The following SPATA31H1 variants were observed in gnomAD, a reference collection of about 807,000 sequenced individuals.
SPATA31H1 encodes spermatogenesis-associated protein 31H1.
chr2:27,573,539 A>G, the SPATA31H1 span: 1 of 398,550 alleles, frequency 2.5e-6, no homozygotes. Context: ...ATCAGTTGCC[A>G]GGGCTCAAAC....
At chr2:27,577,390 T>C in the SPATA31H1 span, 2 of 1,614,062 alleles carry the variant, frequency 1.2e-6, no homozygotes, top group Non-Finnish European at 1.7e-6. The surrounding 1 kb of genome is among the most constrained non-coding windows in gnomAD (Gnocchi z 4.5). Flanking sequence ...AAGCATTACT[T>C]TACAGAAGCT....
chr2:27,554,063 T>C, the SPATA31H1 span, among the ~76,000 whole-genome samples: 1 of 152,090 alleles, frequency 6.6e-6, no homozygotes, highest in Non-Finnish European at 1.5e-5. Flanking sequence ...TCTCTGTTTC[T>C]AATAATATGT....
chr2:27,565,345 G>T, the SPATA31H1 span: 1 of 717,246 alleles, frequency 1.4e-6, no homozygotes, highest in South Asian at 1.5e-5. Context: ...AGACTTCAAA[G>T]CAGCATAGAT....
chr2:27,561,411 A>C, the SPATA31H1 span, among the ~76,000 whole-genome samples: 1 of 152,200 alleles, frequency 6.6e-6, no homozygotes, highest in South Asian at 2.1e-4. Flanking sequence ...TACACTGTGG[A>C]TTGATTAAAT....
chr2:27,558,982 A>G, the SPATA31H1 span, among the ~76,000 whole-genome samples: 1 of 149,934 alleles, frequency 6.7e-6, no homozygotes, highest in Admixed American at 6.8e-5. Context: ...CATATATTTT[A>G]AAATCCATGT....
At chr2:27,540,612 G>A in the SPATA31H1 span, among the ~76,000 whole-genome samples, 2 of 143,966 alleles carry the variant, frequency 1.4e-5, no homozygotes, top group African/African-American at 5.2e-5. Context: ...GCCGGACGGA[G>A]GGGCTCCTCA....
At chr2:27,548,266 G>A in the SPATA31H1 span, among the ~76,000 whole-genome samples, 3 of 151,762 alleles carry the variant, frequency 2.0e-5, no homozygotes, top group Non-Finnish European at 4.4e-5. Flanking sequence ...ACCGCGCCCG[G>A]ACTTAACAGT....
At chr2:27,571,015 C>T in the SPATA31H1 span, 5 of 398,426 alleles carry the variant, frequency 1.3e-5, no homozygotes, top group Non-Finnish European at 1.8e-5. Flanking sequence ...AACGTAAATC[C>T]TGTGGAGTGG....
chr2:27,579,581 G>A, the SPATA31H1 span: 48 of 1,614,132 alleles, frequency 3.0e-5, no homozygotes, highest in Non-Finnish European at 3.7e-5. Context: ...CAAACTCAAC[G>A]TTCAATGGTA....
the SPATA31H1 span, among the ~76,000 whole-genome samples, chr2:27,546,339 G>C: frequency 2.0e-5 from 3 of 151,546 alleles, no homozygotes; most frequent in East Asian, 5.8e-4. Flanking sequence ...TTCACATTTA[G>C]CTCTATGATC....
the SPATA31H1 span, among the ~76,000 whole-genome samples, chr2:27,548,015 T>A: frequency 7.2e-6 from 1 of 138,902 alleles, no homozygotes; most frequent in African/African-American, 2.7e-5. Context: ...AGAGTCTTGC[T>A]CTGTCACCCA....
At chr2:27,542,950 A>G in the SPATA31H1 span, among the ~76,000 whole-genome samples, 24 of 151,806 alleles carry the variant, frequency 1.6e-4, no homozygotes, top group Admixed American at 3.9e-4. Flanking sequence ...GGTGGCGTGC[A>G]CCTGTAGTCC....
chr2:27,568,158 C>T, the SPATA31H1 span: 1,594 of 398,920 alleles, frequency 4.0e-3, 4 homozygotes, highest in Non-Finnish European at 5.8e-3. Flanking sequence ...CAAATCACAT[C>T]CATGTATAGA....
the SPATA31H1 span, chr2:27,581,759 C>G: frequency 6.2e-7 from 1 of 1,613,328 alleles, no homozygotes. Flanking sequence ...ATCGCAGTCC[C>G]TCAGAGAGAA....
chr2:27,580,270 G>T, the SPATA31H1 span: 1 of 1,614,134 alleles, frequency 6.2e-7, no homozygotes, highest in Non-Finnish European at 8.5e-7. Context: ...GTCTACATCA[G>T]GCGAGGACAA....
chr2:27,581,407 G>T, the SPATA31H1 span: 3 of 1,613,986 alleles, frequency 1.9e-6, no homozygotes, highest in Non-Finnish European at 2.5e-6. Flanking sequence ...CCGTCTCAGA[G>T]AAATCACTGC....
At chr2:27,567,336 C>T in the SPATA31H1 span, 2 of 533,322 alleles carry the variant, frequency 3.8e-6, no homozygotes, top group Non-Finnish European at 6.6e-6. Context: ...AGCACCTTTA[C>T]CTTTGAGGAA....
the SPATA31H1 span, chr2:27,582,482 A>G: frequency 6.2e-7 from 1 of 1,612,966 alleles, no homozygotes; most frequent in South Asian, 1.1e-5. Flanking sequence ...CCACACATAA[A>G]AATCCCAAAG....
At chr2:27,577,054 C>T in the SPATA31H1 span, 1 of 1,614,124 alleles carries the variant, frequency 6.2e-7, no homozygotes, top group South Asian at 1.1e-5. The surrounding 1 kb of genome is among the most constrained non-coding windows in gnomAD (Gnocchi z 4.5). Flanking sequence ...ACAGAATCTT[C>T]AGAAATGGCA....
Sources: gnomAD v4.1 joint callset for allele counts (sites outside exome capture counted in the v4.1 genomes callset) on GRCh38, gnomAD v4.1.1 for gene constraint, Gnocchi (gnomAD v3.1) non-coding constraint, MANE v1.5 for transcripts, NCBI Gene and HGNC (gene_info 2026-07-23, HGNC 2026-07-21) for gene names.